Variants in SIPA1L2 observed in about 807,000 individuals in gnomAD.
The protein encoded by SIPA1L2 is signal induced proliferation associated 1 like 2.
SIPA1L2 carries 56 observed loss-of-function variants against 163.9 expected under a neutral mutation model. That is an observed-to-expected ratio of 0.34 (90% CI 0.28 to 0.43). The LOEUF is 0.43. Among genes scored for constraint, SIPA1L2 ranks in the 20% least tolerant of loss-of-function variants. SIPA1L2 has a pLI of 1.00. For missense variants in SIPA1L2, 1,974 were observed against 2,193.5 expected (o/e 0.90, Z 2.00); for synonymous variants, 877 against 865.7 (o/e 1.01, Z -0.23).
At chr1:232,592,029 A>G (rs1442063552) in intron 1 of SIPA1L2, among the ~76,000 whole-genome samples, 1 of 152,228 alleles carries the variant, frequency 6.6e-6, no homozygotes, top group African/African-American at 2.4e-5. Context: ...TTTTCCCACT[A>G]ATCACTCTTA....
chr1:232,529,918 C>A (rs1346500652), intron 2 of SIPA1L2, among the ~76,000 whole-genome samples: 1 of 152,174 alleles, frequency 6.6e-6, no homozygotes, highest in African/African-American at 2.4e-5. Flanking sequence ...TCATCAGCAA[C>A]CTGAAGCCTC....
intron 19 of SIPA1L2, among the ~76,000 whole-genome samples, chr1:232,410,958 AGAAAATTAAGT>A (rs1157573927): frequency 2.6e-5 from 4 of 152,204 alleles, no homozygotes; most frequent in Admixed American, 2.6e-4. Flanking sequence ...CAAGGTTTGC[AGAAAATTAAGT>A]GATCAAGTGC....
chr1:232,434,862 A>T (rs1210525248), intron 15 of SIPA1L2, among the ~76,000 whole-genome samples: 2 of 150,722 alleles, frequency 1.3e-5, no homozygotes, highest in African/African-American at 4.8e-5. Flanking sequence ...TCATACTCCT[A>T]TATTTCAGCA....
At chr1:232,407,278 T>C (rs945674897) in intron 19 of SIPA1L2, among the ~76,000 whole-genome samples, 17 of 150,610 alleles carry the variant, frequency 1.1e-4, no homozygotes, top group African/African-American at 4.1e-4. Flanking sequence ...TTTCCATTTT[T>C]TTTTCCACTA....
intron 10 of SIPA1L2, among the ~76,000 whole-genome samples, chr1:232,447,110 G>T (rs930146625): frequency 2.6e-5 from 4 of 152,190 alleles, no homozygotes; most frequent in South Asian, 2.1e-4. Context: ...AAATTTCAAA[G>T]ACATAATACA....
rs948331677 is a variant in SIPA1L2, at chr1:232,465,776, G to A, written c.2244-360C>T. The stretch of plus-strand genomic sequence containing the variant: ...CTGGAGAAAGGACCCTTAAGGAGGT[G>A]GCTAAGTGAAACCATTCGGGTGGGC... On this transcript the variant is annotated intron_variant, in intron 8 of 22. Transcript: ENST00000674635. This position sits in a 1 kb window ranked among gnomAD's most constrained non-coding sequence, Gnocchi z 4.1. 1.3e-5 allele frequency among the ~76,000 whole-genome samples: 2 copies of A among 151,912 alleles called. No individual in the cohort carries two copies. Among genetic ancestry groups the A allele is most frequent in the Middle Eastern group, 3.2e-3 (1 of 316 alleles).
At chr1:232,630,345 AGGGGCCCGGACGCCCTTCTTGG>A (rs1663327313), upstream of SIPA1L2, among the ~76,000 whole-genome samples, 1 of 151,782 alleles carries the variant, frequency 6.6e-6, no homozygotes, top group Non-Finnish European at 1.5e-5. Flanking sequence ...CGCGTCCAGG[AGGGGCCCGGACGCCCTTCTTGG>A]GGAGGGGGCT....
chr1:232,523,516 T>TA (rs1667549010), intron 2 of SIPA1L2, among the ~76,000 whole-genome samples: 1 of 152,222 alleles, frequency 6.6e-6, no homozygotes, highest in Non-Finnish European at 1.5e-5. Context: ...AATTTCTACT[T>TA]AATGTCAACC....
At chr1:232,598,160 G>A (rs1661379461) in intron 1 of SIPA1L2, among the ~76,000 whole-genome samples, 1 of 151,704 alleles carries the variant, frequency 6.6e-6, no homozygotes, top group African/African-American at 2.4e-5. Flanking sequence ...CTGACACTTT[G>A]GGAGGCCAAG....
chr1:232,517,846 G>A (rs780214610), intron 2 of SIPA1L2, among the ~76,000 whole-genome samples: 8 of 151,950 alleles, frequency 5.3e-5, no homozygotes, highest in Non-Finnish European at 1.2e-4. Flanking sequence ...TTTGAGATGA[G>A]CACAGGCAAC....
At chr1:232,443,503 C>T (rs1663026894) in intron 12 of SIPA1L2, 99 bp downstream of exon 12, 3 of 862,418 alleles carry the variant, frequency 3.5e-6, no homozygotes, top group Non-Finnish European at 5.1e-6. Flanking sequence ...ATATTCCCCA[C>T]ATGGCCCCAG....
chr1:232,509,105 A>C (rs1666867289), intron 3 of SIPA1L2, among the ~76,000 whole-genome samples: 1 of 152,186 alleles, frequency 6.6e-6, no homozygotes, highest in Admixed American at 6.5e-5. Flanking sequence ...GAAAAAAGAA[A>C]AGCTATTTCA....
intron 3 of SIPA1L2, among the ~76,000 whole-genome samples, chr1:232,505,667 A>G (rs1666695963): frequency 6.6e-6 from 1 of 152,124 alleles, no homozygotes; most frequent in African/African-American, 2.4e-5. Context: ...CGACGGCCAC[A>G]TGGAGCCCGT....
At chr1:232,415,411 G>A (rs557151472) in intron 19 of SIPA1L2, 83 bp downstream of exon 19, 10 of 1,455,076 alleles carry the variant, frequency 6.9e-6, no homozygotes, top group African/African-American at 5.8e-5. Context: ...GGAGACAGAC[G>A]GGCTCCCCTA....
intron 2 of SIPA1L2, among the ~76,000 whole-genome samples, chr1:232,545,471 A>G (rs1168154939): frequency 6.6e-6 from 1 of 152,244 alleles, no homozygotes; most frequent in Non-Finnish European, 1.5e-5. Flanking sequence ...CTTACATTAC[A>G]AAACTATAGG....
chr1:232,520,609 T>C (rs16857537), intron 2 of SIPA1L2, among the ~76,000 whole-genome samples: 2,324 of 152,252 alleles, frequency 0.015, 64 homozygotes, highest in African/African-American at 0.053. Context: ...AATGCACAAA[T>C]TACGAGCCCC....
At chr1:232,471,631 C>G in intron 7 of SIPA1L2, 103 bp from the exon 8 acceptor site, 1 of 1,100,820 alleles carries the variant, frequency 9.1e-7, no homozygotes, top group Non-Finnish European at 1.2e-6. Flanking sequence ...TTTTAAAAAG[C>G]ACAGTCATTC....
At chr1:232,493,725 C>T in intron 3 of SIPA1L2, 65 bp from the exon 4 acceptor site, 1 of 1,585,928 alleles carries the variant, frequency 6.3e-7, no homozygotes, top group Non-Finnish European at 8.6e-7. Context: ...GGATGGATAT[C>T]TCTCAGTTTG....
At chr1:232,628,443 A>G (rs1663195422) in intron 1 of SIPA1L2, among the ~76,000 whole-genome samples, 1 of 152,254 alleles carries the variant, frequency 6.6e-6, no homozygotes, top group Non-Finnish European at 1.5e-5. Context: ...AGCGGTAAAC[A>G]TCTTTTAACT....
Sources: gnomAD v4.1 joint callset for allele counts (sites outside exome capture counted in the v4.1 genomes callset) on GRCh38, gnomAD v4.1.1 for gene constraint, Gnocchi (gnomAD v3.1) non-coding constraint, MANE v1.5 for transcripts, NCBI Gene and HGNC (gene_info 2026-07-23, HGNC 2026-07-21) for gene names.